RAB1A: variants seen among roughly 807,000 people sequenced by gnomAD.
RAB1A encodes the protein RAB1A, member RAS oncogene family.
Under a neutral mutation model 26.0 loss-of-function variants are expected in RAB1A, and 2 were observed. The ratio of observed to expected loss-of-function variants is 0.08; its 90% CI spans 0.03 to 0.24. The LOEUF (loss-of-function observed/expected upper bound fraction) is 0.24, where lower values mean the gene tolerates loss of function less well. Among genes scored for constraint, RAB1A ranks in the 10% least tolerant of loss-of-function variants. The pLI is 1.00. For missense variants in RAB1A, 100 were observed against 247.0 expected, an observed-to-expected ratio of 0.40 and a Z score of 3.99; for synonymous variants, 84 against 84.9, an observed-to-expected ratio of 0.99 and a Z score of 0.06.
intron 2 of RAB1A, among the ~76,000 whole-genome samples, chr2:65,098,791 G>T (rs184075133): frequency 6.9e-6 from 1 of 145,082 alleles, no homozygotes; most frequent in African/African-American, 2.5e-5. Context: ...TCATTTAGCA[G>T]AATGTTTTCA....
chr2:65,126,229 G>A (rs904260497), intron 1 of RAB1A, among the ~76,000 whole-genome samples: 1 of 151,542 alleles, frequency 6.6e-6, no homozygotes, highest in Non-Finnish European at 1.5e-5. Context: ...CAGGAAAATC[G>A]CTTGAACCCA....
chr2:65,102,627 T>TAA (rs35458725), intron 2 of RAB1A, among the ~76,000 whole-genome samples: 26 of 145,188 alleles, frequency 1.8e-4, no homozygotes, highest in African/African-American at 6.3e-4. Flanking sequence ...TCTTTCAAGT[T>TAA]AAAAAAAAAA....
At chr2:65,104,208 A>G (rs1411153277) in intron 2 of RAB1A, among the ~76,000 whole-genome samples, 1 of 152,172 alleles carries the variant, frequency 6.6e-6, no homozygotes, top group African/African-American at 2.4e-5. Context: ...AAGTTTGTCC[A>G]AGACCCTACT....
intron 3 of RAB1A, among the ~76,000 whole-genome samples, chr2:65,097,323 G>C (rs887447632): frequency 6.6e-6 from 1 of 151,904 alleles, no homozygotes; most frequent in African/African-American, 2.4e-5. Context: ...GGGGGCTGGG[G>C]GTGTAAAGAT....
intron 1 of RAB1A, among the ~76,000 whole-genome samples, chr2:65,125,872 T>A (rs1021342776): frequency 1.5e-5 from 2 of 130,906 alleles, no homozygotes; most frequent in African/African-American, 6.6e-5. Flanking sequence ...GCCTTTTTTT[T>A]TTTTTTTTTT....
chr2:65,099,908 G>A (rs17040050), intron 2 of RAB1A, among the ~76,000 whole-genome samples: 99,176 of 152,098 alleles, frequency 0.65, 32,608 homozygotes, highest in Non-Finnish European at 0.69. Context: ...TCACAAGGAA[G>A]CAAAATGACA....
chr2:65,119,841 CA>C (rs1178958164), intron 1 of RAB1A, among the ~76,000 whole-genome samples: 3,953 of 36,140 alleles, frequency 0.11, 46 homozygotes, highest in South Asian at 0.25. Context: ...CCTGTCTCTA[CA>C]AAAAAAAAAA....
intron 2 of RAB1A, among the ~76,000 whole-genome samples, chr2:65,104,191 G>C (rs1405731557): frequency 2.0e-5 from 3 of 152,038 alleles, no homozygotes; most frequent in Admixed American, 6.6e-5. Context: ...TATGCCATTG[G>C]CCAACGAAGT....
chr2:65,108,965 C>G (rs1240198246), intron 1 of RAB1A, among the ~76,000 whole-genome samples: 1 of 152,184 alleles, frequency 6.6e-6, no homozygotes, highest in South Asian at 2.1e-4. Flanking sequence ...AACATGACAA[C>G]AGTCACATGA....
intron 1 of RAB1A, among the ~76,000 whole-genome samples, chr2:65,128,973 G>T (rs1189476151): frequency 6.6e-6 from 1 of 152,066 alleles, no homozygotes; most frequent in Non-Finnish European, 1.5e-5. Flanking sequence ...AAAAAGAAAT[G>T]CATTAACTTT....
chr2:65,097,460 T>A (rs1669316427), intron 3 of RAB1A, among the ~76,000 whole-genome samples: 1 of 152,192 alleles, frequency 6.6e-6, no homozygotes, highest in Admixed American at 6.5e-5. Context: ...AGCAGTAAAA[T>A]GAACATGTTA....
At chr2:65,094,161 G>A (rs1573065350) in intron 3 of RAB1A, among the ~76,000 whole-genome samples, 1 of 151,648 alleles carries the variant, frequency 6.6e-6, no homozygotes, top group Admixed American at 6.6e-5. Flanking sequence ...GTAGAGACAG[G>A]GTTTCACCAT....
At chr2:65,116,221 TG>T in intron 1 of RAB1A, among the ~76,000 whole-genome samples, 1 of 152,206 alleles carries the variant, frequency 6.6e-6, no homozygotes, top group Admixed American at 6.6e-5. Flanking sequence ...GAAAGAAATT[TG>T]GGTAGTACCA....
chr2:65,098,211 T>C, intron 2 of RAB1A, 145 bp from the exon 3 acceptor site: 1 of 509,388 alleles, frequency 2.0e-6, no homozygotes, highest in South Asian at 3.3e-5. Flanking sequence ...ATGAAATGTA[T>C]AAAGTATAAC....
At chr2:65,092,022 C>A (rs894420591) in intron 3 of RAB1A, among the ~76,000 whole-genome samples, 1 of 152,186 alleles carries the variant, frequency 6.6e-6, no homozygotes, top group African/African-American at 2.4e-5. Context: ...CGCCTGTAAT[C>A]CCAGCACTTT....
chr2:65,117,101 T>G (rs12467928), intron 1 of RAB1A, among the ~76,000 whole-genome samples: 8,038 of 143,684 alleles, frequency 0.056, 633 homozygotes, highest in East Asian at 0.36. Context: ...GGTCTTGCTA[T>G]GTCACCCAGG....
chr2:65,097,667 G>C (rs1319613478), intron 3 of RAB1A, among the ~76,000 whole-genome samples: 1 of 152,154 alleles, frequency 6.6e-6, no homozygotes, highest in Non-Finnish European at 1.5e-5. Context: ...TATAACATTT[G>C]CAGTGTAGGA....
rs530527195 is a variant in RAB1A at position 65,100,922 on chromosome 2, T to C, written c.97-2856A>G. Among the ~76,000 whole-genome samples, 4 of 151,824 alleles carry C rather than the reference T, an allele frequency of 2.6e-5. No homozygotes were observed. The East Asian group carries it at 5.9e-4, about 22-fold the overall frequency. On this transcript the variant is annotated intron_variant, in intron 2 of 5. Coordinates refer to ENST00000409784, the MANE Select transcript of RAB1A (RefSeq NM_004161.5). ...GCACTTTGGGGAGCAGAGGTGCACA[T>C]ATCACTTGAGCTCAGGAGTTGGAGA...
In RAB1A at chr2:65,097,422, A is replaced by G. The variant is rs529332558; in HGVS notation, c.192+549T>C. The stretch of plus-strand genomic sequence containing the variant: ...TTCTACCAGTAACTGTAGGCAAGTC[A>G]TTAAATCTTTCAGCATTCGTTTTTT... On this transcript the variant is annotated intron_variant, in intron 3 of 5. Transcript: ENST00000409784. Among the ~76,000 whole-genome samples the G allele has an allele frequency of 5.3e-5, 8 of 152,374 alleles. No individual in the cohort carries two copies. The South Asian group carries it at 1.7e-3, about 32-fold the overall frequency.
Sources: allele counts gnomAD v4.1 joint callset (sites outside exome capture counted in the v4.1 genomes callset), GRCh38; gene constraint gnomAD v4.1.1; transcripts MANE v1.5; gene names NCBI Gene and HGNC (gene_info 2026-07-23, HGNC 2026-07-21).